NEO1: variants seen among roughly 807,000 people sequenced by gnomAD.
The protein encoded by NEO1 is neogenin 1, also known as neogenin.
A neutral mutation model predicts 159.7 loss-of-function variants in NEO1; 63 were observed. That is an observed-to-expected ratio of 0.39 (90% CI 0.32 to 0.49). The LOEUF (loss-of-function observed/expected upper bound fraction) is 0.49, where lower values mean the gene tolerates loss of function less well. NEO1 is among the 20% of genes least tolerant of loss of function. The probability of loss-of-function intolerance (pLI) is 0.85; values close to 1 mark genes in which losing one functional copy is unlikely to be tolerated. For missense variants in NEO1, 1,615 were observed against 1,831.0 expected, an observed-to-expected ratio of 0.88 and a Z score of 2.15; for synonymous variants, 633 against 662.0, an observed-to-expected ratio of 0.96 and a Z score of 0.67.
intron 3 of NEO1, among the ~76,000 whole-genome samples, chr15:73,123,223 G>A (rs2071773962): frequency 1.3e-5 from 2 of 151,990 alleles, no homozygotes; most frequent in East Asian, 3.9e-4. Flanking sequence ...GGAAGTCTCA[G>A]TTTCTTACAG....
At chr15:73,268,528 A>T (rs963031138) in intron 16 of NEO1, among the ~76,000 whole-genome samples, 1 of 152,108 alleles carries the variant, frequency 6.6e-6, no homozygotes, top group Non-Finnish European at 1.5e-5. Context: ...AATGTATGCT[A>T]CTCCTCTGTT....
intron 1 of NEO1, among the ~76,000 whole-genome samples, chr15:73,080,440 A>C (rs1219061546): frequency 3.3e-5 from 5 of 152,164 alleles, no homozygotes; most frequent in Non-Finnish European, 7.4e-5. Flanking sequence ...GACCTCTTCT[A>C]GGATCTGGGA....
chr15:73,183,782 G>A (rs1303197062), intron 7 of NEO1, among the ~76,000 whole-genome samples: 1 of 152,136 alleles, frequency 6.6e-6, no homozygotes, highest in Non-Finnish European at 1.5e-5. Flanking sequence ...GAAACTCTCT[G>A]GCTCCTAAGC....
intron 13 of NEO1, chr15:73,255,243 GTATT>G (rs2040282085): frequency 6.4e-6 from 1 of 155,966 alleles, no homozygotes; most frequent in Non-Finnish European, 1.4e-5. Context: ...GCCTGAAACA[GTATT>G]TGTGAATAGC....
At chr15:73,184,665 C>T (rs146328155) in intron 7 of NEO1, among the ~76,000 whole-genome samples, 3 of 152,330 alleles carry the variant, frequency 2.0e-5, no homozygotes, top group South Asian at 2.1e-4. Context: ...CCGTGGCTTA[C>T]GCCTGTACTC....
At chr15:73,110,830 C>T (rs796377461) in intron 1 of NEO1, among the ~76,000 whole-genome samples, 3 of 151,950 alleles carry the variant, frequency 2.0e-5, no homozygotes, top group African/African-American at 7.3e-5. Context: ...AAGTATAAGC[C>T]AGTTTTTATA....
At chr15:73,081,181 T>C (rs1475857743) in intron 1 of NEO1, among the ~76,000 whole-genome samples, 1 of 152,208 alleles carries the variant, frequency 6.6e-6, no homozygotes, top group Non-Finnish European at 1.5e-5. Flanking sequence ...CTCCCCTTTT[T>C]CTCATTGTCT....
intron 4 of NEO1, among the ~76,000 whole-genome samples, chr15:73,127,400 A>G (rs1596074927): frequency 6.6e-6 from 1 of 152,060 alleles, no homozygotes; most frequent in African/African-American, 2.4e-5. Flanking sequence ...GTGTGTTCTC[A>G]TAAGAGATGT....
intron 4 of NEO1, among the ~76,000 whole-genome samples, chr15:73,134,654 G>C (rs899379265): frequency 6.6e-6 from 1 of 151,628 alleles, no homozygotes; most frequent in Non-Finnish European, 1.5e-5. Context: ...GGGTTCAAGC[G>C]ATTCTCCTGC....
At chr15:73,124,172 C>T (rs528991597) in intron 3 of NEO1, among the ~76,000 whole-genome samples, 8 of 152,278 alleles carry the variant, frequency 5.3e-5, no homozygotes, top group Non-Finnish European at 7.4e-5. Context: ...AAGTGTTCCT[C>T]CTACCTCAGC....
Position 73,122,506 on chromosome 15 carries a change from C to T in NEO1, c.449-19C>T, listed in dbSNP as rs2071729097. ...AATATTTAAATAAATTTTATTTCTT[C>T]TCTTCCTTTATTGTCCAGGTCTTCC... On this transcript the variant is annotated intron_variant, in intron 2 of 28. Coordinates refer to ENST00000261908, the MANE Select transcript of NEO1 (RefSeq NM_002499.4). The T allele has an allele frequency of 6.3e-7, 1 of 1,596,816 alleles. No homozygotes were observed.
rs556398350 is a variant in NEO1, at chr15:73,138,146, C to T, written c.1015+2119C>T. Among the ~76,000 whole-genome samples, 48 of 152,042 alleles carry T rather than the reference C, an allele frequency of 3.2e-4. No homozygotes were observed. In the South Asian group the frequency reaches 6.8e-3, roughly 22 times the overall value. On this transcript the variant is annotated intron_variant, in intron 5 of 28. Coordinates refer to ENST00000261908, the MANE Select transcript of NEO1 (RefSeq NM_002499.4). Reference sequence around the variant, plus strand: ...TAATGTATAATTATATATACAGTAACGTATAATATCAAAGACAAAAAAATT... The same window carrying T: ...TAATGTATAATTATATATACAGTAATGTATAATATCAAAGACAAAAAAATT...
intron 2 of NEO1, among the ~76,000 whole-genome samples, chr15:73,122,160 T>A (rs2071706573): frequency 6.7e-6 from 1 of 148,978 alleles, no homozygotes; most frequent in South Asian, 2.1e-4. Context: ...TGTACATGTT[T>A]CACACATACT....
intron 7 of NEO1, among the ~76,000 whole-genome samples, chr15:73,211,446 T>G (rs1405905910): frequency 6.6e-6 from 1 of 151,408 alleles, no homozygotes; most frequent in Non-Finnish European, 1.5e-5. Flanking sequence ...GCCGGGCGTG[T>G]TGGCTCACGC....
At chr15:73,225,865 G>A (rs2038554505) in intron 7 of NEO1, among the ~76,000 whole-genome samples, 2 of 152,146 alleles carry the variant, frequency 1.3e-5, no homozygotes, top group Admixed American at 1.3e-4. Context: ...TTCTCCCTGT[G>A]GTGTTTTTCC....
At chr15:73,125,818 A>G (rs1467664360) in intron 3 of NEO1, among the ~76,000 whole-genome samples, 1 of 148,826 alleles carries the variant, frequency 6.7e-6, no homozygotes, top group Admixed American at 6.7e-5. Context: ...CAGACTGAGC[A>G]AGTTAAAGAG....
At chr15:73,203,114 G>C (rs1167909065) in intron 7 of NEO1, among the ~76,000 whole-genome samples, 1 of 152,080 alleles carries the variant, frequency 6.6e-6, no homozygotes, top group African/African-American at 2.4e-5. Context: ...CAATTCTCTA[G>C]TGTATACTCA....
Position 73,289,153 on chromosome 15 carries a change from G to A in NEO1, c.3657G>A (p.Glu1219=), listed in dbSNP as rs771908217. ...TCCACGTTTAACATCTAGGGCATGA[G>A]TCAGAGGACAGCATGTCTACACTGG... The part of the protein sequence containing the change: ...HQRRNSYRGH[E]SEDSMSTLAG... Residue 1219 remains glutamate (E), a synonymous_variant, in exon 25 of 29, where the codon GAG becomes GAA. Transcript: ENST00000261908. The A allele has an allele frequency of 6.2e-7, 1 of 1,613,996 alleles. No individual in the cohort carries two copies. The highest frequency in any genetic ancestry group is 8.5e-7 in the Non-Finnish European group (1 of 1,179,928).
At chr15:73,117,292 T>G (rs1211366800) in intron 2 of NEO1, among the ~76,000 whole-genome samples, 1 of 152,182 alleles carries the variant, frequency 6.6e-6, no homozygotes, top group African/African-American at 2.4e-5. Context: ...TTGGATTAAT[T>G]GTTTTAAAAT....
Sources: gnomAD v4.1 joint callset for allele counts (sites outside exome capture counted in the v4.1 genomes callset) on GRCh38, gnomAD v4.1.1 for gene constraint, MANE v1.5 for transcripts, NCBI Gene and HGNC (gene_info 2026-07-23, HGNC 2026-07-21) for gene names.